The following FAR1 variants were observed in gnomAD, a reference collection of about 807,000 sequenced individuals.
FAR1 encodes the protein male sterility domain-containing protein 2.
FAR1 carries 22 observed loss-of-function variants against 61.1 expected under a neutral mutation model. The ratio of observed to expected loss-of-function variants is 0.36; its 90% CI spans 0.26 to 0.51. The LOEUF (loss-of-function observed/expected upper bound fraction) is 0.51. Ranked by LOEUF, FAR1 falls within the 20% of genes least tolerant of loss-of-function variation. The probability of loss-of-function intolerance (pLI) is 0.95; values close to 1 mark genes in which losing one functional copy is unlikely to be tolerated. For synonymous variants in FAR1, 206 were observed against 209.7 expected, an observed-to-expected ratio of 0.98 and a Z score of 0.15; for missense variants, 359 against 626.9, an observed-to-expected ratio of 0.57 and a Z score of 4.56.
chr11:13,700,550 T>C, intron 3 of FAR1, 58 bp downstream of exon 3: 1 of 1,100,544 alleles, frequency 9.1e-7, no homozygotes. Flanking sequence ...AAAAATCTCA[T>C]TTTAATTCTA....
At chr11:13,692,332 A>T (rs1356686094) in intron 1 of FAR1, among the ~76,000 whole-genome samples, 2 of 152,184 alleles carry the variant, frequency 1.3e-5, no homozygotes, top group Admixed American at 6.5e-5. Context: ...CGGATAGGGG[A>T]TACTTAACCT....
chr11:13,722,054 T>C (rs1326826279), intron 10 of FAR1, among the ~76,000 whole-genome samples, 195 bp downstream of exon 10: 1 of 152,194 alleles, frequency 6.6e-6, no homozygotes, highest in Non-Finnish European at 1.5e-5. Flanking sequence ...AGTGTAAGTA[T>C]TTTAGAGTGG....
intron 1 of FAR1, among the ~76,000 whole-genome samples, chr11:13,681,531 G>T (rs1848127031): frequency 6.6e-6 from 1 of 152,302 alleles, no homozygotes; most frequent in Admixed American, 6.5e-5. Flanking sequence ...TACACTGTAT[G>T]ACTTCCAAGG....
chr11:13,717,157 G>T (rs1018294653), intron 9 of FAR1, among the ~76,000 whole-genome samples: 1 of 151,490 alleles, frequency 6.6e-6, no homozygotes, highest in East Asian at 1.9e-4. Flanking sequence ...TCCCCCTCGC[G>T]CCTCCCCATC....
chr11:13,713,192 G>A, intron 8 of FAR1, 159 bp downstream of exon 8: 1 of 664,244 alleles, frequency 1.5e-6, no homozygotes, highest in Admixed American at 2.4e-5. Flanking sequence ...ATACTACCTT[G>A]TGGTCCTTAA....
chr11:13,702,714 C>T (rs910386547), intron 3 of FAR1, among the ~76,000 whole-genome samples: 1 of 151,906 alleles, frequency 6.6e-6, no homozygotes, highest in Non-Finnish European at 1.5e-5. Flanking sequence ...GAAAAACATA[C>T]GTAGATATTG....
chr11:13,703,870 C>G (rs771924132), intron 3 of FAR1, among the ~76,000 whole-genome samples: 3 of 151,722 alleles, frequency 2.0e-5, no homozygotes, highest in Non-Finnish European at 2.9e-5. Context: ...ATGGTGAAAC[C>G]TCATCTCTGC....
chr11:13,670,899 A>G (rs1460001293), intron 1 of FAR1, among the ~76,000 whole-genome samples: 1 of 152,148 alleles, frequency 6.6e-6, no homozygotes, highest in Non-Finnish European at 1.5e-5. Flanking sequence ...TAAATGGGAG[A>G]TAGAGTTTCT....
rs1848356455 is a variant in FAR1, at chr11:13,700,299, AT to A, written c.190-13del. On this transcript the variant is annotated splice_polypyrimidine_tract_variant and intron_variant, in intron 2 of 11. Coordinates refer to ENST00000354817, the MANE Select transcript of FAR1 (RefSeq NM_032228.6). ...GGAAAAATACTGCTGTAAAATAAAT[AT>A]TTTTCCCTCTTGATAGCTTTTTGAC... The A allele has an allele frequency of 2.6e-6, 4 of 1,545,588 alleles. No individual in the cohort carries two copies. Among genetic ancestry groups the A allele is most frequent in the South Asian group, 2.5e-5 (2 of 79,534 alleles).
intron 1 of FAR1, among the ~76,000 whole-genome samples, chr11:13,692,121 T>A (rs531975646): frequency 6.6e-6 from 1 of 152,240 alleles, no homozygotes; most frequent in African/African-American, 2.4e-5. Context: ...GAGCCGAGAT[T>A]GTGTCACTGC....
chr11:13,690,581 T>C (rs1848238455), intron 1 of FAR1, among the ~76,000 whole-genome samples: 1 of 152,204 alleles, frequency 6.6e-6, no homozygotes, highest in South Asian at 2.1e-4. Flanking sequence ...ATTTTTTCTA[T>C]ATGGATAATT....
intron 4 of FAR1, 144 bp downstream of exon 4, chr11:13,708,223 G>A (rs1301587019): frequency 2.7e-5 from 13 of 483,640 alleles, no homozygotes; most frequent in Non-Finnish European, 6.9e-6. Context: ...AATTAGCCAG[G>A]CATGGTGGCA....
At position 13,694,630 on chromosome 11, in the gene FAR1, C is replaced by T. The variant is rs763518652; in HGVS notation, c.-7-129C>T. 3.2e-4 allele frequency: 233 copies of T among 736,188 alleles called. 3 individuals carry two copies. The highest frequency in any genetic ancestry group is 7.8e-4 in the Middle Eastern group (2 of 2,548). 45.6% of individuals were successfully genotyped at this position (736,188 alleles called of 1,614,324 possible). ...ATAATGAACTTGAGGTTAGAGTCCT[C>T]TCTTGTTAATGTTCTATTTTGACTT... On this transcript the variant is annotated intron_variant, in intron 1 of 11. Coordinates refer to ENST00000354817, the MANE Select transcript of FAR1 (RefSeq NM_032228.6).
intron 1 of FAR1, among the ~76,000 whole-genome samples, chr11:13,676,141 AGT>A (rs1159621760): frequency 6.6e-6 from 1 of 152,168 alleles, no homozygotes; most frequent in East Asian, 1.9e-4. Flanking sequence ...TTTACAAACA[AGT>A]GTTTTTAATT....
chr11:13,707,339 A>G (rs1269879480), intron 3 of FAR1, among the ~76,000 whole-genome samples: 1 of 152,152 alleles, frequency 6.6e-6, no homozygotes, highest in Admixed American at 6.5e-5. Context: ...TATCCCTTTG[A>G]ATTTTGTAGG....
At chr11:13,674,086 C>T (rs1051381716) in intron 1 of FAR1, among the ~76,000 whole-genome samples, 36 of 151,922 alleles carry the variant, frequency 2.4e-4, no homozygotes, top group African/African-American at 8.2e-4. Context: ...CCGAGGTGGG[C>T]GGATCATGAG....
chr11:13,680,306 T>G (rs1253414885), intron 1 of FAR1, among the ~76,000 whole-genome samples: 1 of 152,212 alleles, frequency 6.6e-6, no homozygotes, highest in Non-Finnish European at 1.5e-5. Flanking sequence ...TTGCATAGGC[T>G]GGACTCAAAC....
chr11:13,682,226 G>T (rs1848135030), intron 1 of FAR1, among the ~76,000 whole-genome samples: 1 of 152,218 alleles, frequency 6.6e-6, no homozygotes, highest in East Asian at 1.9e-4. Flanking sequence ...ATTTTACAGT[G>T]TGTCAGTAAC....
At chr11:13,696,751 G>A (rs964653075) in intron 2 of FAR1, among the ~76,000 whole-genome samples, 3 of 150,660 alleles carry the variant, frequency 2.0e-5, no homozygotes, top group African/African-American at 7.5e-5. Context: ...ATTATGTATA[G>A]CATTGCTGGT....
Sources: allele counts gnomAD v4.1 joint callset (sites outside exome capture counted in the v4.1 genomes callset), GRCh38; gene constraint gnomAD v4.1.1; transcripts MANE v1.5; gene names NCBI Gene and HGNC (gene_info 2026-07-23, HGNC 2026-07-21).